GRM7: variants seen among roughly 807,000 people sequenced by gnomAD.
GRM7 encodes the protein glutamate metabotropic receptor 7.
Under a neutral mutation model 84.5 loss-of-function variants are expected in GRM7, and 35 were observed. The ratio of observed to expected loss-of-function variants is 0.41; its 90% confidence interval spans 0.32 to 0.55. The LOEUF (loss-of-function observed/expected upper bound fraction) is 0.55, where lower values mean the gene tolerates loss of function less well. Ranked by LOEUF, GRM7 falls within the 20% of genes least tolerant of loss-of-function variation. The pLI is 0.19. For missense variants in GRM7, 1,003 were observed against 1,194.6 expected, an observed-to-expected ratio of 0.84 and a Z score of 2.36; for synonymous variants, 487 against 455.1, an observed-to-expected ratio of 1.07 and a Z score of -0.89.
intron 1 of GRM7, among the ~76,000 whole-genome samples, chr3:6,951,341 C>A (rs769841558): frequency 9.2e-5 from 14 of 151,782 alleles, no homozygotes; most frequent in Non-Finnish European, 1.9e-4. Flanking sequence ...ATAGTTTTCT[C>A]TTTTTATTCT....
At chr3:6,996,591 C>T (rs1201357437) in intron 1 of GRM7, among the ~76,000 whole-genome samples, 1 of 152,162 alleles carries the variant, frequency 6.6e-6, no homozygotes, top group Non-Finnish European at 1.5e-5. Context: ...AACGTCACAA[C>T]TTATGGATAT....
In GRM7 at chr3:7,049,646, C is replaced by T. The variant is rs190294796; in HGVS notation, c.520-96806C>T. ...AAGTAAAATTGTATCCTGAGAAAAG[C>T]GTTCGTGAGGAAGGAATCATGGTTC... On this transcript the variant is annotated intron_variant, in intron 1 of 9. Coordinates refer to ENST00000357716, the MANE Select transcript of GRM7 (RefSeq NM_000844.4). 2.0e-4 allele frequency among the ~76,000 whole-genome samples: 30 copies of T among 151,896 alleles called. No homozygotes were observed. In the East Asian group the frequency reaches 4.1e-3, roughly 21 times the overall value.
chr3:7,357,331 C>T (rs527887226), intron 4 of GRM7, among the ~76,000 whole-genome samples: 1 of 151,996 alleles, frequency 6.6e-6, no homozygotes, highest in South Asian at 2.1e-4. Context: ...TCCCTTCTTG[C>T]CAGTTTTGTT....
chr3:7,136,995 A>G (rs1693794490), intron 1 of GRM7, among the ~76,000 whole-genome samples: 1 of 152,090 alleles, frequency 6.6e-6, no homozygotes, highest in South Asian at 2.1e-4. Flanking sequence ...TGGGGCAAAC[A>G]TTGTAGAGGT....
At chr3:7,565,958 T>G (rs552115184) in intron 7 of GRM7, among the ~76,000 whole-genome samples, 5 of 152,326 alleles carry the variant, frequency 3.3e-5, no homozygotes, top group Non-Finnish European at 4.4e-5. Flanking sequence ...TGACATAAAC[T>G]GACATAAGTT....
chr3:6,960,645 C>T (rs756207598), intron 1 of GRM7, among the ~76,000 whole-genome samples: 1 of 152,130 alleles, frequency 6.6e-6, no homozygotes, highest in Non-Finnish European at 1.5e-5. Context: ...CAATGTATTC[C>T]CTGGAACATG....
Position 7,597,872 on chromosome 3 carries a change from A to G in GRM7, c.2451+18515A>G, listed in dbSNP as rs77038714. On this transcript the variant is annotated intron_variant, in intron 8 of 9. Transcript: ENST00000357716. ...TCCCGGGTTGACCAAGACACATCAT[A>G]AATGAGGAATAAGGGAAGTTGGTGA... Among the ~76,000 whole-genome samples, 1,180 of 152,302 alleles carry G rather than the reference A, an allele frequency of 7.7e-3. 13 individuals are homozygous for G. The highest frequency in any genetic ancestry group is 0.027 in the African/African-American group (1,124 of 41,572).
chr3:7,349,367 G>A (rs955402025), intron 4 of GRM7, among the ~76,000 whole-genome samples: 1 of 152,226 alleles, frequency 6.6e-6, no homozygotes, highest in African/African-American at 2.4e-5. Context: ...CAGCTGATGG[G>A]CTTGTCATGC....
intron 1 of GRM7, among the ~76,000 whole-genome samples, chr3:7,005,934 T>G (rs1407735223): frequency 6.6e-6 from 1 of 152,170 alleles, no homozygotes; most frequent in Non-Finnish European, 1.5e-5. Context: ...ATGCTCAGAC[T>G]GGCCAGAACT....
Position 7,618,529 on chromosome 3 carries a change from A to T in GRM7, c.2451+39172A>T, listed in dbSNP as rs182603337. Among the ~76,000 whole-genome samples the T allele has an allele frequency of 1.1e-3, 167 of 152,228 alleles. 1 individual carries two copies. Among genetic ancestry groups the T allele is most frequent in the African/African-American group, 3.3e-3 (138 of 41,552 alleles). Reference sequence around the variant, plus strand: ...TTGGGTTTTTTTAATTATTGTTATTATTTGTGTTTAATGGTAGTTTATTTT... The same window carrying T: ...TTGGGTTTTTTTAATTATTGTTATTTTTTGTGTTTAATGGTAGTTTATTTT... On this transcript the variant is annotated intron_variant, in intron 8 of 9. Transcript: ENST00000357716.
chr3:7,197,079 A>G (rs1260413879), intron 2 of GRM7, among the ~76,000 whole-genome samples: 2 of 152,178 alleles, frequency 1.3e-5, no homozygotes, highest in African/African-American at 4.8e-5. Context: ...CTTAGCCACA[A>G]TGTCCCATAA....
At chr3:7,340,388 C>T (rs1353262303) in intron 4 of GRM7, among the ~76,000 whole-genome samples, 1 of 152,112 alleles carries the variant, frequency 6.6e-6, no homozygotes, top group African/African-American at 2.4e-5. Flanking sequence ...GCAGACACAT[C>T]TTACATGGCA....
At chr3:7,646,660 G>T (rs1184693994) in intron 8 of GRM7, among the ~76,000 whole-genome samples, 8 of 152,294 alleles carry the variant, frequency 5.3e-5, no homozygotes, top group African/African-American at 1.7e-4. Flanking sequence ...AAAAAAGACA[G>T]CCACAAACCT....
rs1394375621 is a variant in GRM7 at position 7,741,105 on chromosome 3, A to C, written c.*699A>C. The stretch of plus-strand genomic sequence containing the variant: ...GTATATGATAGGTTACATAAAAGGA[A>C]GGTATTGGCTGAACTGAATAGAGGT... On this transcript the variant is annotated 3_prime_UTR_variant, in exon 10 of 10. Transcript: ENST00000357716. The C allele has an allele frequency of 1.3e-5, 2 of 152,530 alleles. No individual in the cohort carries two copies. Among genetic ancestry groups the C allele is most frequent in the Admixed American group, 6.6e-5 (1 of 15,260 alleles). The allele number at this position is 152,530 out of a possible 1,614,324, so 9.4% of individuals were successfully genotyped here. A position where few individuals can be genotyped will look rare whatever the true frequency, so the allele number is the denominator to read the frequency against.
rs113385090 is a variant in GRM7, at chr3:7,590,272, A to T, written c.2451+10915A>T. ...CTCCTGCCACTATTACAATTACGAC[A>T]GTATTCAGACTCTTTCTTAGAGCCC... is the stretch of plus-strand genomic sequence containing the variant. On this transcript the variant is annotated intron_variant, in intron 8 of 9. Coordinates refer to ENST00000357716, the MANE Select transcript of GRM7 (RefSeq NM_000844.4). 1.0e-3 allele frequency among the ~76,000 whole-genome samples: 157 copies of T among 152,272 alleles called. 1 individual carries two copies. Among genetic ancestry groups the T allele is most frequent in the African/African-American group, 3.5e-3 (145 of 41,554 alleles).
intron 6 of GRM7, among the ~76,000 whole-genome samples, chr3:7,461,018 T>G (rs1318908151): frequency 6.6e-6 from 1 of 152,142 alleles, no homozygotes; most frequent in Non-Finnish European, 1.5e-5. Context: ...ACAAATACAC[T>G]GCTAAACCTT....
intron 1 of GRM7, among the ~76,000 whole-genome samples, chr3:6,871,535 A>G (rs895509367): frequency 8.6e-5 from 13 of 151,890 alleles, no homozygotes; most frequent in African/African-American, 3.1e-4. Context: ...AATTAAAAAT[A>G]TGACGGGAAA....
At chr3:6,981,260 A>G (rs1041502520) in intron 1 of GRM7, among the ~76,000 whole-genome samples, 29 of 152,346 alleles carry the variant, frequency 1.9e-4, no homozygotes, top group African/African-American at 6.5e-4. Flanking sequence ...CTTGGCTTTA[A>G]GAACTCTGTT....
In GRM7 at chr3:7,468,172, G is replaced by T. The variant is rs530253046; in HGVS notation, c.1515+6450G>T. Among the ~76,000 whole-genome samples, 14 of 152,236 alleles carry T rather than the reference G, an allele frequency of 9.2e-5. No individual in the cohort carries two copies. The South Asian group carries it at 2.7e-3, about 29-fold the overall frequency. Reference sequence around the variant, plus strand: ...TCTTATTATACTCATAATTTACAATGTATTACATGAGGTATGTAATAGCAG... The same window carrying T: ...TCTTATTATACTCATAATTTACAATTTATTACATGAGGTATGTAATAGCAG... On this transcript the variant is annotated intron_variant, in intron 7 of 9. Transcript: ENST00000357716.
Sources: gnomAD v4.1 joint callset for allele counts (sites outside exome capture counted in the v4.1 genomes callset) on GRCh38, gnomAD v4.1.1 for gene constraint, MANE v1.5 for transcripts, NCBI Gene and HGNC (gene_info 2026-07-23, HGNC 2026-07-21) for gene names.